The following ZCCHC8 variants were observed in gnomAD, a reference collection of about 807,000 sequenced individuals.
ZCCHC8 encodes the protein zinc finger CCHC domain-containing protein 8.
Under a neutral mutation model 70.6 loss-of-function variants are expected in ZCCHC8, and 27 were observed. The observed-to-expected ratio is 0.38, with a 90% CI of 0.28 to 0.53. The LOEUF (loss-of-function observed/expected upper bound fraction) is 0.53. Ranked by LOEUF, ZCCHC8 falls within the 20% of genes least tolerant of loss-of-function variation. The pLI is 0.81. For synonymous variants in ZCCHC8, 293 were observed against 317.4 expected (o/e 0.92, Z 0.82); for missense variants, 737 against 876.9 (o/e 0.84, Z 2.01).
intron 2 of ZCCHC8, among the ~76,000 whole-genome samples, chr12:122,495,615 C>T (rs12426619): frequency 0.15 from 23,195 of 151,668 alleles, 2,244 homozygotes; most frequent in East Asian, 0.46. Flanking sequence ...TTTGGGAAGC[C>T]GAGGCGGGTG....
intron 13 of ZCCHC8, among the ~76,000 whole-genome samples, chr12:122,475,007 T>C (rs1957392363): frequency 6.6e-6 from 1 of 151,586 alleles, no homozygotes. Context: ...AATGCTGGGA[T>C]TATAGGCATG....
At position 122,490,515 on chromosome 12, in the gene ZCCHC8, C is replaced by T; in HGVS notation, c.370G>A (p.Glu124Lys). 1 of 1,612,556 alleles carries T rather than the reference C, an allele frequency of 6.2e-7. No individual in the cohort carries two copies. The highest frequency in any genetic ancestry group is 8.5e-7 in the Non-Finnish European group (1 of 1,179,290). Residue 124 changes from glutamate (E) to lysine (K), a missense_variant, in exon 4 of 14, where the codon GAG becomes AAG. Physicochemically the swap from Glu to Lys is moderately conservative, Grantham distance 56. Coordinates refer to ENST00000633063, the MANE Select transcript of ZCCHC8 (RefSeq NM_017612.5). ...TCCACATCATTTTTCTGCTGTTCCTCAAATCTTTTTACTAAATTTGATACA... is the reference window on the plus strand; with the variant it reads ...TCCACATCATTTTTCTGCTGTTCCTTAAATCTTTTTACTAAATTTGATACA... ...EFVSNLVKRF[E>K]EQQKNDVEKT...
At chr12:122,491,618 C>T (rs975467435) in intron 3 of ZCCHC8, among the ~76,000 whole-genome samples, 17 of 150,846 alleles carry the variant, frequency 1.1e-4, no homozygotes, top group Non-Finnish European at 2.2e-4. Flanking sequence ...CACCTGAGGT[C>T]GGGAGTTTGA....
In ZCCHC8 at chr12:122,473,766, T is replaced by C. The variant is rs564933559; in HGVS notation, c.1855A>G (p.Thr619Ala). The change falls in exon 14 of 14, where the codon ACT (threonine) becomes GCT (alanine). Residue 619 changes from threonine to alanine, a missense_variant. By Grantham distance (58) the Thr-to-Ala change is moderately conservative. Transcript: ENST00000633063. The part of the protein sequence containing the change: ...KEKAELAPVN[T>A]EGALLDNGSV... ...CCATTATCAAGAAGGGCACCTTCAG[T>C]GTTTACCGGAGCCAACTCTGCTTTT... is the stretch of plus-strand genomic sequence containing the variant. 6.2e-7 allele frequency: 1 copy of C among 1,613,348 alleles called. No individual in the cohort carries two copies. Among genetic ancestry groups the C allele is most frequent in the Non-Finnish European group, 8.5e-7 (1 of 1,179,368 alleles).
chr12:122,483,215 C>A lies in ZCCHC8; in HGVS notation c.671+64G>T, dbSNP rs1043233761. The A allele has an allele frequency of 2.7e-6, 4 of 1,467,176 alleles. No homozygotes were observed. Among genetic ancestry groups the A allele is most frequent in the Non-Finnish European group, 3.7e-6 (4 of 1,078,504 alleles). 90.9% of individuals were successfully genotyped at this position (1,467,176 alleles called of 1,614,324 possible). ...CAGTAAAGAACATGAACTTTTCAAG[C>A]CAAAAGTTTATGATTTTGGTTAAAA... On this transcript the variant is annotated intron_variant, in intron 7 of 13. Coordinates refer to ENST00000633063, the MANE Select transcript of ZCCHC8 (RefSeq NM_017612.5). The surrounding 1 kb of genome is among the most constrained non-coding windows in gnomAD (Gnocchi z 4.4).
chr12:122,488,891 T>C (rs1336897861), intron 5 of ZCCHC8, among the ~76,000 whole-genome samples: 1 of 151,518 alleles, frequency 6.6e-6, no homozygotes, highest in Non-Finnish European at 1.5e-5. Flanking sequence ...AAAAAAAAAT[T>C]ATAAGCTGCA....
At chr12:122,481,814 T>G in intron 9 of ZCCHC8, 131 bp downstream of exon 9, 1 of 1,384,754 alleles carries the variant, frequency 7.2e-7, no homozygotes, top group Non-Finnish European at 9.7e-7. Context: ...TGTTTCTAAA[T>G]GAATTAATGT....
Position 122,483,457 on chromosome 12 carries a change from T to A in ZCCHC8, c.605+3A>T. 1 of 1,587,626 alleles carries A rather than the reference T, an allele frequency of 6.3e-7. No homozygotes were observed. Among genetic ancestry groups the A allele is most frequent in the Non-Finnish European group, 8.6e-7 (1 of 1,165,440 alleles). On this transcript the variant is annotated splice_donor_region_variant and intron_variant, in intron 6 of 13. Transcript: ENST00000633063. The surrounding 1 kb of genome is among the most constrained non-coding windows in gnomAD (Gnocchi z 4.4). ...AAAGATCTTCATTCACTATGTAGGA[T>A]ACTTGGGTATTTCCCATCCTTCGGA...
chr12:122,477,356 ATGTT>A (rs1957439223), intron 13 of ZCCHC8, among the ~76,000 whole-genome samples: 1 of 150,542 alleles, frequency 6.6e-6, no homozygotes, highest in South Asian at 2.1e-4. Flanking sequence ...GGGTTTCACC[ATGTT>A]TGCCAGGATT....
intron 8 of ZCCHC8, chr12:122,482,405 A>C: frequency 2.3e-6 from 1 of 439,660 alleles, no homozygotes; most frequent in Non-Finnish European, 4.0e-6. Context: ...AAATATGAAC[A>C]CAAATTTGAA....
chr12:122,493,381 G>C (rs746252919), intron 2 of ZCCHC8, among the ~76,000 whole-genome samples: 5 of 151,940 alleles, frequency 3.3e-5, no homozygotes, highest in African/African-American at 4.8e-5. Context: ...TTACAAATTA[G>C]GGGGAGGGAA....
chr12:122,495,847 C>CAA lies in ZCCHC8; in HGVS notation c.242+2978_242+2979dup, dbSNP rs538311699. 1.2e-3 allele frequency among the ~76,000 whole-genome samples: 97 copies of CAA among 78,304 alleles called. 6 individuals are homozygous for CAA. Among genetic ancestry groups the CAA allele is most frequent in the African/African-American group, 1.6e-3 (29 of 17,808 alleles). 51.4% of individuals were successfully genotyped at this position (78,304 alleles called of 152,430 possible). A position where few individuals can be genotyped will look rare whatever the true frequency, so the allele number is the denominator to read the frequency against. Reference sequence around the variant, plus strand: ...TGGGCGATAGAGTGACACTCTGTCTCAAAAAAAAAAAAAAAAAAAAAAAAA... The same window carrying CAA: ...TGGGCGATAGAGTGACACTCTGTCTCAAAAAAAAAAAAAAAAAAAAAAAAAAA... On this transcript the variant is annotated intron_variant, in intron 2 of 13. Coordinates refer to ENST00000633063, the MANE Select transcript of ZCCHC8 (RefSeq NM_017612.5).
intron 2 of ZCCHC8, among the ~76,000 whole-genome samples, chr12:122,495,866 A>G (rs1273280771): frequency 1.5e-4 from 15 of 97,914 alleles, no homozygotes; most frequent in African/African-American, 4.2e-4. Flanking sequence ...AAAAAAAAAA[A>G]AAAAAAAAAA....
intron 2 of ZCCHC8, among the ~76,000 whole-genome samples, chr12:122,496,175 T>TA (rs11379513): frequency 0.99 from 148,573 of 150,752 alleles, 73,215 homozygotes; most frequent in Middle Eastern, 1. Context: ...TCAAAAAATT[T>TA]AAAAAAAAAC....
chr12:122,485,357 G>C (rs1250199695), intron 5 of ZCCHC8, among the ~76,000 whole-genome samples: 1 of 152,098 alleles, frequency 6.6e-6, no homozygotes, highest in East Asian at 1.9e-4. Flanking sequence ...CAGGTGATCT[G>C]CCCGCCTTGG....
chr12:122,481,933 T>C lies in ZCCHC8; in HGVS notation c.875+12A>G, dbSNP rs781352201. ...ATAAAAATGACCTTCTATGGTAAAA[T>C]GCCATTAGTACCTAATAACTCCTGG... On this transcript the variant is annotated intron_variant, in intron 9 of 13. Transcript: ENST00000633063. 3.1e-6 allele frequency: 5 copies of C among 1,606,558 alleles called. 1 individual carries two copies. The East Asian group carries it at 8.9e-5, about 29-fold the overall frequency.
chr12:122,497,990 C>CAAACAAAAACAA (rs61323547), intron 2 of ZCCHC8, among the ~76,000 whole-genome samples: 5 of 150,820 alleles, frequency 3.3e-5, no homozygotes, highest in East Asian at 3.9e-4. Context: ...GATCTTGTCT[C>CAAACAAAAACAA]AAACAAAAAC....
chr12:122,472,205 C>CTTTTTTT lies in ZCCHC8; in HGVS notation c.*1285_*1291dup. The CTTTTTTT allele has an allele frequency of 7.7e-6, 1 of 129,594 alleles. No homozygotes were observed. Among genetic ancestry groups the CTTTTTTT allele is most frequent in the South Asian group, 2.4e-4 (1 of 4,250 alleles). 8.0% of individuals were successfully genotyped at this position (129,594 alleles called of 1,614,324 possible). On this transcript the variant is annotated 3_prime_UTR_variant, in exon 14 of 14. Transcript: ENST00000633063. The stretch of plus-strand genomic sequence containing the variant: ...GCTACCACTGATTTTTACAATTTAC[C>CTTTTTTT]TTTTTTTTTTTTTTTTTTTGAGATG...
intron 2 of ZCCHC8, among the ~76,000 whole-genome samples, chr12:122,496,532 A>G (rs1011625826): frequency 2.0e-5 from 3 of 152,222 alleles, no homozygotes; most frequent in Non-Finnish European, 4.4e-5. Flanking sequence ...CATCTTTAAC[A>G]TATAAAAATT....
Sources: gnomAD v4.1 joint callset for allele counts (sites outside exome capture counted in the v4.1 genomes callset) on GRCh38, gnomAD v4.1.1 for gene constraint, Gnocchi (gnomAD v3.1) non-coding constraint, MANE v1.5 for transcripts, NCBI Gene and HGNC (gene_info 2026-07-23, HGNC 2026-07-21) for gene names.